The following IGF2BP2 variants were observed in gnomAD, a reference collection of about 807,000 sequenced individuals.
IGF2BP2 encodes the protein insulin-like growth factor 2 mRNA-binding protein 2.
In IGF2BP2, 17 loss-of-function variants were observed where a neutral mutation model predicts 75.8. That is an observed-to-expected ratio of 0.22 (90% CI 0.15 to 0.34). The LOEUF (loss-of-function observed/expected upper bound fraction) is 0.34. Ranked by LOEUF, IGF2BP2 falls within the 10% of genes least tolerant of loss-of-function variation. The pLI, the probability that IGF2BP2 is intolerant of heterozygous loss-of-function variation, is 1.00. For synonymous variants in IGF2BP2, 288 were observed against 295.6 expected (o/e 0.97, Z 0.26); for missense variants, 516 against 772.4 (o/e 0.67, Z 3.93).
intron 2 of IGF2BP2, among the ~76,000 whole-genome samples, chr3:185,791,781 T>G (rs909640222): frequency 1.3e-5 from 2 of 152,244 alleles, no homozygotes; most frequent in African/African-American, 4.8e-5. Flanking sequence ...TAACCTATTA[T>G]TCATTTAACA....
chr3:185,771,313 C>T lies in IGF2BP2; in HGVS notation c.239+51840G>A, dbSNP rs557790589. ...AAAAATAGCCAGGTGTGGTGGTGCA[C>T]GCCTATAATCCCAGCTACTTGGGTG... is the stretch of plus-strand genomic sequence containing the variant. On this transcript the variant is annotated intron_variant, in intron 2 of 15. Coordinates refer to ENST00000382199, the MANE Select transcript of IGF2BP2 (RefSeq NM_006548.6). Among the ~76,000 whole-genome samples, 14 of 151,896 alleles carry T rather than the reference C, an allele frequency of 9.2e-5. No individual in the cohort carries two copies. In the South Asian group the frequency reaches 2.1e-3, roughly 23 times the overall value.
At position 185,757,852 on chromosome 3, in the gene IGF2BP2, T is replaced by C. The variant is rs1004697699; in HGVS notation, c.240-59505A>G. 3.3e-5 allele frequency among the ~76,000 whole-genome samples: 5 copies of C among 152,342 alleles called. No individual in the cohort carries two copies. In the South Asian group the frequency reaches 8.3e-4, roughly 25 times the overall value. The stretch of plus-strand genomic sequence containing the variant: ...CAAATGCTCAGTAAATGATTGCTGA[T>C]TGATTTCTGATTGGTGGTTACAGAT... On this transcript the variant is annotated intron_variant, in intron 2 of 15. Transcript: ENST00000382199.
intron 10 of IGF2BP2, among the ~76,000 whole-genome samples, chr3:185,665,460 GAAGAAGAAGAAGAAGGAGAAGA>G (rs1717326844): frequency 9.6e-5 from 10 of 103,810 alleles, no homozygotes; most frequent in Non-Finnish European, 1.6e-4. Context: ...AGGAGGAGAA[GAAGAAGAAGAAGAAGGAGAAGA>G]AGGAGGAGAA....
intron 2 of IGF2BP2, among the ~76,000 whole-genome samples, chr3:185,775,577 G>C (rs1734436934): frequency 1.3e-5 from 2 of 152,218 alleles, no homozygotes; most frequent in East Asian, 3.8e-4. Context: ...GTGAACTGGA[G>C]TGCACCAACA....
chr3:185,824,707 G>T, intron 1 of IGF2BP2, 76 bp downstream of exon 1: 4 of 1,144,352 alleles, frequency 3.5e-6, no homozygotes, highest in Non-Finnish European at 3.3e-6. Context: ...CCGCCCGCCG[G>T]ACTCGGCCTC....
At chr3:185,689,680 C>T (rs562281996) in intron 5 of IGF2BP2, 53 bp from the exon 6 acceptor site, 1 of 1,611,630 alleles carries the variant, frequency 6.2e-7, no homozygotes, top group Admixed American at 1.7e-5. Context: ...TCAAGAAAGA[C>T]CCTCCCGGCC....
intron 13 of IGF2BP2, among the ~76,000 whole-genome samples, chr3:185,651,140 G>A (rs1714532312): frequency 6.6e-6 from 1 of 152,072 alleles, no homozygotes; most frequent in Admixed American, 6.6e-5. Context: ...CAAACTCCTG[G>A]GCTCAAGCAG....
At chr3:185,648,126 C>A (rs1033905597) in intron 14 of IGF2BP2, among the ~76,000 whole-genome samples, 16 of 152,210 alleles carry the variant, frequency 1.1e-4, no homozygotes, top group Non-Finnish European at 1.6e-4. Context: ...ACATCTAGAA[C>A]TTGGTTTTGA....
chr3:185,791,963 T>G (rs565083142), intron 2 of IGF2BP2, among the ~76,000 whole-genome samples: 2 of 152,264 alleles, frequency 1.3e-5, no homozygotes, highest in South Asian at 4.1e-4. Flanking sequence ...GACGGTAACA[T>G]ATGGGAAGGA....
At chr3:185,693,632 G>A (rs143251662) in intron 4 of IGF2BP2, among the ~76,000 whole-genome samples, 1 of 152,196 alleles carries the variant, frequency 6.6e-6, no homozygotes, top group African/African-American at 2.4e-5. Flanking sequence ...TTCTTCTATA[G>A]TTAGAAATTA....
intron 2 of IGF2BP2, among the ~76,000 whole-genome samples, chr3:185,764,611 A>G (rs1401228603): frequency 6.6e-6 from 1 of 152,176 alleles, no homozygotes; most frequent in Non-Finnish European, 1.5e-5. Flanking sequence ...GTTTCACAGG[A>G]CCGCAGAGAG....
At chr3:185,716,704 G>A (rs192114204) in intron 2 of IGF2BP2, 4 of 520,132 alleles carry the variant, frequency 7.7e-6, no homozygotes, top group African/African-American at 7.7e-5. Context: ...GGCCATGGTG[G>A]TGCATGGAGG....
rs1713739810 is a variant in IGF2BP2, at chr3:185,647,257, T to C, written c.1594-119A>G. On this transcript the variant is annotated intron_variant, in intron 14 of 15. Transcript: ENST00000382199. The surrounding 1 kb of genome is among the most constrained non-coding windows in gnomAD (Gnocchi z 4.9). ...GGGAAGGAGGGGGGCTGGACTCTGC[T>C]CTCCTTTCCTTTTATCAAGGACACC... 2 of 742,186 alleles carry C rather than the reference T, an allele frequency of 2.7e-6. No individual in the cohort carries two copies. The highest frequency in any genetic ancestry group is 1.7e-5 in the African/African-American group (1 of 57,564). The allele number at this position is 742,186 out of a possible 1,614,324, so 46.0% of individuals were successfully genotyped here. A position where few individuals can be genotyped will look rare whatever the true frequency, so the allele number is the denominator to read the frequency against.
rs1490770115 is a variant in IGF2BP2 at position 185,687,207 on chromosome 3, C to T, written c.678-16G>A. ...GATATCTACCCTGTAGGAAAAGAAT[C>T]AGGAGCCATGATTACAAGGTCATCT... On this transcript the variant is annotated splice_polypyrimidine_tract_variant and intron_variant, in intron 6 of 15. Coordinates refer to ENST00000382199, the MANE Select transcript of IGF2BP2 (RefSeq NM_006548.6). The T allele has an allele frequency of 5.0e-6, 8 of 1,593,952 alleles. No homozygotes were observed. The African/African-American group carries it at 8.2e-5, about 16-fold the overall frequency.
chr3:185,720,458 C>T (rs1350856409), intron 2 of IGF2BP2, among the ~76,000 whole-genome samples: 4 of 152,248 alleles, frequency 2.6e-5, no homozygotes, highest in East Asian at 3.9e-4. Flanking sequence ...CCACCGCGCC[C>T]GGCCCCCAAA....
At chr3:185,816,584 G>A (rs1204135572) in intron 2 of IGF2BP2, among the ~76,000 whole-genome samples, 1 of 152,118 alleles carries the variant, frequency 6.6e-6, no homozygotes, top group African/African-American at 2.4e-5. Flanking sequence ...GAGACTCAGG[G>A]ACCTCAAAAG....
chr3:185,724,497 G>A (rs1429534340), intron 2 of IGF2BP2: 3 of 152,224 alleles, frequency 2.0e-5, no homozygotes, highest in African/African-American at 4.8e-5. Flanking sequence ...CAAAGGTTCC[G>A]AGTTCAAAGC....
chr3:185,658,272 C>T (rs1301634631), intron 11 of IGF2BP2, 69 bp downstream of exon 11: 4 of 1,397,914 alleles, frequency 2.9e-6, no homozygotes, highest in East Asian at 4.6e-5. Flanking sequence ...CATTCACTGG[C>T]CACCAAGGGC....
chr3:185,659,492 A>G (rs1716058500), intron 10 of IGF2BP2, among the ~76,000 whole-genome samples: 1 of 151,896 alleles, frequency 6.6e-6, no homozygotes, highest in Non-Finnish European at 1.5e-5. Context: ...CTCCTGCCTC[A>G]GCCTCCCAAG....
Sources: gnomAD v4.1 joint callset for allele counts (sites outside exome capture counted in the v4.1 genomes callset) on GRCh38, gnomAD v4.1.1 for gene constraint, Gnocchi (gnomAD v3.1) non-coding constraint, MANE v1.5 for transcripts, NCBI Gene and HGNC (gene_info 2026-07-23, HGNC 2026-07-21) for gene names.